Variants in GMEB2 observed in about 807,000 individuals in gnomAD.
GMEB2 encodes glucocorticoid modulatory element binding protein 2.
Under a neutral mutation model 45.7 loss-of-function variants are expected in GMEB2, and 7 were observed. That is an observed-to-expected ratio of 0.15 (90% confidence interval 0.09 to 0.29). The LOEUF (loss-of-function observed/expected upper bound fraction) is 0.29. Ranked by LOEUF, GMEB2 falls within the 10% of genes least tolerant of loss-of-function variation. The pLI, the probability that GMEB2 is intolerant of heterozygous loss-of-function variation, is 1.00. For synonymous variants in GMEB2, 322 were observed against 323.6 expected (o/e 1.00, Z 0.05); for missense variants, 582 against 739.2 (o/e 0.79, Z 2.47).
chr20:63,606,375 T>C (rs910918489), intron 2 of GMEB2, among the ~76,000 whole-genome samples: 5 of 131,566 alleles, frequency 3.8e-5, no homozygotes, highest in African/African-American at 1.4e-4. Flanking sequence ...TGAGACGGAG[T>C]CTCGCTCTGT....
intron 2 of GMEB2, among the ~76,000 whole-genome samples, chr20:63,617,922 A>G (rs4809585): frequency 0.79 from 119,967 of 152,122 alleles, 48,988 homozygotes; most frequent in Non-Finnish European, 0.92. Context: ...TGGGCTCCTC[A>G]CAGTAGCCCT....
chr20:63,614,265 C>T (rs2089591845), intron 2 of GMEB2, among the ~76,000 whole-genome samples: 1 of 151,934 alleles, frequency 6.6e-6, no homozygotes, highest in Non-Finnish European at 1.5e-5. Flanking sequence ...TAAGCATAAC[C>T]TAGGAAAAAC....
chr20:63,625,372 C>G (rs909759982), intron 1 of GMEB2, among the ~76,000 whole-genome samples: 1 of 152,040 alleles, frequency 6.6e-6, no homozygotes, highest in Non-Finnish European at 1.5e-5. Context: ...GGGGTTTCAT[C>G]ATGTTGGCCA....
Position 63,592,485 on chromosome 20 carries a change from A to C in GMEB2, c.829+48T>G. 6.6e-7 allele frequency: 1 copy of C among 1,511,036 alleles called. No homozygotes were observed. Among genetic ancestry groups the C allele is most frequent in the Non-Finnish European group, 9.1e-7 (1 of 1,099,000 alleles). 93.6% of individuals were successfully genotyped at this position (1,511,036 alleles called of 1,614,324 possible). A position where few individuals can be genotyped will look rare whatever the true frequency, so the allele number is the denominator to read the frequency against. On this transcript the variant is annotated intron_variant, in intron 8 of 9. Coordinates refer to ENST00000370077, the MANE Select transcript of GMEB2 (RefSeq NM_012384.5). This position sits in a 1 kb window ranked among gnomAD's most constrained non-coding sequence, Gnocchi z 8.2. ...GGGCCAGTGGCCTCACCTCCTGCAG[A>C]GACTCCTGGGCTGAGTAGCCAGCAA...
intron 1 of GMEB2, among the ~76,000 whole-genome samples, chr20:63,623,658 C>T (rs966791759): frequency 4.0e-5 from 6 of 151,868 alleles, no homozygotes; most frequent in Non-Finnish European, 5.9e-5. Context: ...ATTAGCCGGG[C>T]GCGGTGGCAG....
At chr20:63,602,023 G>A (rs1302422997) in intron 4 of GMEB2, among the ~76,000 whole-genome samples, 1 of 152,130 alleles carries the variant, frequency 6.6e-6, no homozygotes, top group African/African-American at 2.4e-5. Context: ...CTTCTGTGGG[G>A]CCTGTGGCTT....
At chr20:63,615,585 C>T (rs970203040) in intron 2 of GMEB2, among the ~76,000 whole-genome samples, 32 of 152,306 alleles carry the variant, frequency 2.1e-4, no homozygotes, top group African/African-American at 5.5e-4. Context: ...CTCAGCCTCC[C>T]AAAGTGCTCA....
Position 63,590,083 on chromosome 20 carries a change from T to A in GMEB2, c.*6A>T. On this transcript the variant is annotated 3_prime_UTR_variant, in exon 10 of 10. Coordinates refer to ENST00000370077, the MANE Select transcript of GMEB2 (RefSeq NM_012384.5). ...GTCCGTCCCAGGGGCCTCGCCCTCCTGTCGGCTACTTCCGCTCGTGGTCCT... is the reference window on the plus strand; with the variant it reads ...GTCCGTCCCAGGGGCCTCGCCCTCCAGTCGGCTACTTCCGCTCGTGGTCCT... The A allele has an allele frequency of 1.3e-6, 2 of 1,501,860 alleles. No homozygotes were observed. Among genetic ancestry groups the A allele is most frequent in the Non-Finnish European group, 1.8e-6 (2 of 1,127,176 alleles). 93.0% of individuals were successfully genotyped at this position (1,501,860 alleles called of 1,614,324 possible). A position where few individuals can be genotyped will look rare whatever the true frequency, so the allele number is the denominator to read the frequency against.
chr20:63,592,132 A>T lies in GMEB2; in HGVS notation c.842T>A (p.Leu281His). Residue 281 changes from leucine (L) to histidine (H), a missense_variant, in exon 9 of 10, where the codon CTC becomes CAC. Transcript: ENST00000370077. This position sits in a 1 kb window ranked among gnomAD's most constrained non-coding sequence, Gnocchi z 8.2. ...GCCGAAGTTCTGCACGATGTTGTTGAGAAGTACAGCATCTTAAAGGGTAAC... is the reference window on the plus strand; with the variant it reads ...GCCGAAGTTCTGCACGATGTTGTTGTGAAGTACAGCATCTTAAAGGGTAAC... ...PPLQLRDAVL[L>H]NNIVQNFGML... 5 of 1,613,470 alleles carry T rather than the reference A, an allele frequency of 3.1e-6. No individual in the cohort carries two copies. Among genetic ancestry groups the T allele is most frequent in the Non-Finnish European group, 4.2e-6 (5 of 1,179,748 alleles).
chr20:63,619,383 G>A lies in GMEB2; in HGVS notation c.15C>T (p.Asp5=), dbSNP rs781181848. The A allele has an allele frequency of 4.6e-5, 74 of 1,611,378 alleles. No homozygotes were observed. The highest frequency in any genetic ancestry group is 3.3e-4 in the Middle Eastern group (2 of 6,080). Residue 5 remains aspartate, a synonymous_variant, in exon 2 of 10, where the codon GAC becomes GAT. Transcript: ENST00000370077. This position sits in a 1 kb window ranked among gnomAD's most constrained non-coding sequence, Gnocchi z 4.6. ...CCACCTCCTCCATGTGCACACTCAC[G>A]TCGGGAGTCGCCATGGCTCAGCGGA... MATP[D]VSVHMEEVVV...
At chr20:63,598,760 A>T (rs892211907) in intron 4 of GMEB2, among the ~76,000 whole-genome samples, 7 of 152,182 alleles carry the variant, frequency 4.6e-5, no homozygotes, top group African/African-American at 1.7e-4. Flanking sequence ...ATCCCATAGA[A>T]GTCCAGAAGG....
chr20:63,604,171 G>A (rs1201703059), intron 3 of GMEB2, among the ~76,000 whole-genome samples: 1 of 144,060 alleles, frequency 6.9e-6, no homozygotes, highest in Non-Finnish European at 1.5e-5. Flanking sequence ...TTCGAGACCA[G>A]CCTGGGCAAC....
At position 63,619,493 on chromosome 20, in the gene GMEB2, TC is replaced by T; in HGVS notation, c.-57-40del. ...GGCAGGGCACAGGGATGGAGTCATC[TC>T]CACATCCACACAACATAGCACTCAC... On this transcript the variant is annotated intron_variant, in intron 1 of 9. Coordinates refer to ENST00000370077, the MANE Select transcript of GMEB2 (RefSeq NM_012384.5). The surrounding 1 kb of genome is among the most constrained non-coding windows in gnomAD (Gnocchi z 4.6). 1 of 1,242,918 alleles carries T rather than the reference TC, an allele frequency of 8.0e-7. No individual in the cohort carries two copies. The highest frequency in any genetic ancestry group is 1.1e-6 in the Non-Finnish European group (1 of 884,768). The allele number at this position is 1,242,918 out of a possible 1,614,324, so 77.0% of individuals were successfully genotyped here.
In GMEB2 at chr20:63,587,744, A is replaced by G. The variant is rs982223342; in HGVS notation, c.*2345T>C. The G allele has an allele frequency of 6.6e-6, 1 of 152,346 alleles. No homozygotes were observed. Among genetic ancestry groups the G allele is most frequent in the African/African-American group, 2.4e-5 (1 of 41,430 alleles). 9.4% of individuals were successfully genotyped at this position (152,346 alleles called of 1,614,324 possible). A position where few individuals can be genotyped will look rare whatever the true frequency, so the allele number is the denominator to read the frequency against. ...AAGTTCTCACCCTCTGCAAAATCCA[A>G]TCCAATCCTATCTTCTCAGAAAACC... On this transcript the variant is annotated 3_prime_UTR_variant, in exon 10 of 10. Coordinates refer to ENST00000370077, the MANE Select transcript of GMEB2 (RefSeq NM_012384.5).
In GMEB2 at chr20:63,592,468, G is replaced by A; in HGVS notation, c.829+65C>T. ...AGGGCCTAGGGGCAGGAGGGCCAGT[G>A]GCCTCACCTCCTGCAGAGACTCCTG... is the stretch of plus-strand genomic sequence containing the variant. On this transcript the variant is annotated intron_variant, in intron 8 of 9. Transcript: ENST00000370077. The surrounding 1 kb of genome is among the most constrained non-coding windows in gnomAD (Gnocchi z 8.2). 3 of 1,301,292 alleles carry A rather than the reference G, an allele frequency of 2.3e-6. No homozygotes were observed. The highest frequency in any genetic ancestry group is 2.5e-5 in the South Asian group (2 of 80,162). The allele number at this position is 1,301,292 out of a possible 1,614,324, so 80.6% of individuals were successfully genotyped here.
At chr20:63,591,888 CAGTGCGGAGAAGCT>C in intron 9 of GMEB2, 120 bp downstream of exon 9, 1 of 683,112 alleles carries the variant, frequency 1.5e-6, no homozygotes, top group Non-Finnish European at 2.4e-6. Context: ...CGCACAACAG[CAGTGCGGAGAAGCT>C]CGCCGTGGTG....
chr20:63,596,874 C>T (rs535064939), intron 5 of GMEB2, among the ~76,000 whole-genome samples: 64 of 152,170 alleles, frequency 4.2e-4, no homozygotes, highest in African/African-American at 1.5e-3. Context: ...AAAAATTAGC[C>T]GGGTGTGCTG....
chr20:63,612,699 C>T lies in GMEB2; in HGVS notation c.131+6568G>A, dbSNP rs762103281. On this transcript the variant is annotated intron_variant, in intron 2 of 9. Coordinates refer to ENST00000370077, the MANE Select transcript of GMEB2 (RefSeq NM_012384.5). ...GCTTACGGGGCAAAGAAGTCCAGGC[C>T]TCCAGGTGGAGGATCACAGACCGGG... Among the ~76,000 whole-genome samples the T allele has an allele frequency of 9.9e-5, 15 of 152,162 alleles. 1 individual carries two copies. Among genetic ancestry groups the T allele is most frequent in the Non-Finnish European group, 1.9e-4 (13 of 68,026 alleles).
chr20:63,603,691 G>A (rs1263761841), intron 3 of GMEB2, among the ~76,000 whole-genome samples: 1 of 151,748 alleles, frequency 6.6e-6, no homozygotes, highest in Non-Finnish European at 1.5e-5. Context: ...GCAGTGAGTC[G>A]AGATCGCGCC....
Sources: allele counts gnomAD v4.1 joint callset (sites outside exome capture counted in the v4.1 genomes callset), GRCh38; gene constraint gnomAD v4.1.1; non-coding constraint Gnocchi (gnomAD v3.1); transcripts MANE v1.5; gene names NCBI Gene and HGNC (gene_info 2026-07-23, HGNC 2026-07-21).